Variants in NRXN3 observed in about 807,000 individuals in gnomAD.
The protein encoded by NRXN3 is neurexin III.
A neutral mutation model predicts 137.6 loss-of-function variants in NRXN3; 32 were observed. The observed-to-expected ratio is 0.23, with a 90% CI of 0.18 to 0.31. The LOEUF (loss-of-function observed/expected upper bound fraction) is 0.31. Among genes scored for constraint, NRXN3 ranks in the 10% least tolerant of loss-of-function variants. The pLI, the probability that NRXN3 is intolerant of heterozygous loss-of-function variation, is 1.00. For synonymous variants in NRXN3, 798 were observed against 784.5 expected (o/e 1.02, Z -0.29); for missense variants, 1,574 against 2,062.5 (o/e 0.76, Z 4.59).
intron 4 of NRXN3, among the ~76,000 whole-genome samples, chr14:78,442,226 C>G (rs922140519): frequency 1.3e-5 from 2 of 150,398 alleles, no homozygotes; most frequent in African/African-American, 4.9e-5. Context: ...GAGATCATGC[C>G]ACCGTACTCC....
rs752059168 is a variant in NRXN3, at chr14:79,467,331, A to G, written c.3373A>G (p.Thr1125Ala). The part of the protein sequence containing the change: ...SDRLAVGFST[T>A]VKDGILVRID... ...CCGCCTTGCCGTGGGCTTCAGCACC[A>G]CTGTGAAGGATGGCATCTTGGTCCG... The change falls in exon 16 of 21, where the codon ACT becomes GCT. Residue 1125 changes from threonine (T) to alanine (A), a missense_variant. Transcript: ENST00000335750. The G allele has an allele frequency of 6.2e-7, 1 of 1,613,746 alleles. No homozygotes were observed. Among genetic ancestry groups the G allele is most frequent in the South Asian group, 1.1e-5 (1 of 91,070 alleles).
chr14:79,075,040 T>G (rs999930645), intron 15 of NRXN3, among the ~76,000 whole-genome samples: 5 of 152,174 alleles, frequency 3.3e-5, no homozygotes, highest in African/African-American at 1.2e-4. Context: ...CAAAGCTACT[T>G]TTACTTATTT....
chr14:79,635,449 T>A (rs1365608914), intron 16 of NRXN3, among the ~76,000 whole-genome samples: 1 of 152,124 alleles, frequency 6.6e-6, no homozygotes. Flanking sequence ...AACGTACTAG[T>A]TTTCTAGGGC....
chr14:78,240,350 C>T (rs1158419817), intron 1 of NRXN3, among the ~76,000 whole-genome samples: 1 of 152,300 alleles, frequency 6.6e-6, no homozygotes, highest in Middle Eastern at 3.4e-3. Flanking sequence ...AGTGGCCAAC[C>T]AGGAGATTCA....
At chr14:79,810,789 T>A (rs1005322659) in intron 20 of NRXN3, among the ~76,000 whole-genome samples, 1 of 152,234 alleles carries the variant, frequency 6.6e-6, no homozygotes, top group Non-Finnish European at 1.5e-5. Flanking sequence ...ATTTTACTTT[T>A]TATTTGCTGG....
At chr14:79,071,195 C>T (rs532019370) in intron 15 of NRXN3, among the ~76,000 whole-genome samples, 1 of 146,614 alleles carries the variant, frequency 6.8e-6, no homozygotes. Context: ...CTTGATTGTT[C>T]TAATTTAGCG....
At chr14:78,953,754 A>G (rs888033724) in intron 10 of NRXN3, among the ~76,000 whole-genome samples, 2 of 151,502 alleles carry the variant, frequency 1.3e-5, no homozygotes, top group Non-Finnish European at 1.5e-5. Flanking sequence ...GAATCAAAGG[A>G]TTTTTTTTTG....
At chr14:78,531,241 A>T (rs934995574) in intron 4 of NRXN3, among the ~76,000 whole-genome samples, 1 of 152,088 alleles carries the variant, frequency 6.6e-6, no homozygotes, top group East Asian at 1.9e-4. Flanking sequence ...CTACCCTTTG[A>T]CCTGGGCCTG....
intron 15 of NRXN3, among the ~76,000 whole-genome samples, chr14:79,147,654 C>A (rs1221398331): frequency 6.6e-6 from 1 of 152,098 alleles, no homozygotes; most frequent in Non-Finnish European, 1.5e-5. Flanking sequence ...GAAGCCTTCA[C>A]AAGCAGAGGC....
At chr14:79,186,854 A>T (rs1037806279) in intron 15 of NRXN3, among the ~76,000 whole-genome samples, 1 of 152,222 alleles carries the variant, frequency 6.6e-6, no homozygotes, top group African/African-American at 2.4e-5. Context: ...GCCGTTAACA[A>T]GAAGTTAAAT....
At chr14:79,329,566 T>C (rs964571560) in intron 15 of NRXN3, among the ~76,000 whole-genome samples, 1 of 152,132 alleles carries the variant, frequency 6.6e-6, no homozygotes, top group Admixed American at 6.5e-5. Flanking sequence ...TGTAAACAAA[T>C]GGACGTGACT....
chr14:79,743,807 G>A (rs2098970610), intron 19 of NRXN3, among the ~76,000 whole-genome samples: 1 of 152,128 alleles, frequency 6.6e-6, no homozygotes, highest in Admixed American at 6.6e-5. Context: ...ACTGACTGAG[G>A]AAGCAAGGTA....
At chr14:78,885,430 G>A (rs573165139) in intron 10 of NRXN3, among the ~76,000 whole-genome samples, 1 of 151,874 alleles carries the variant, frequency 6.6e-6, no homozygotes. Context: ...TAAATTAAAG[G>A]TGTTTTGAAG....
rs920583079 is a variant in NRXN3 at position 79,864,410 on chromosome 14, C to T, written c.*2446C>T. On this transcript the variant is annotated 3_prime_UTR_variant, in exon 21 of 21. Coordinates refer to ENST00000335750, the MANE Select transcript of NRXN3 (RefSeq NM_001330195.2). ...AGGATATGCTTAGCAATAAAATGTT[C>T]TTCCCAAAACCTTGTATGCTGATGC... 6.6e-6 allele frequency: 1 copy of T among 152,536 alleles called. No homozygotes were observed. The highest frequency in any genetic ancestry group is 1.5e-5 in the Non-Finnish European group (1 of 68,020). The allele number at this position is 152,536 out of a possible 1,614,324, so 9.4% of individuals were successfully genotyped here. A position where few individuals can be genotyped will look rare whatever the true frequency, so the allele number is the denominator to read the frequency against.
In NRXN3 at chr14:79,663,894, C is replaced by T. The variant is rs371425202; in HGVS notation, c.3561C>T (p.Gly1187=). The T allele has an allele frequency of 5.7e-5, 92 of 1,613,438 alleles. No homozygotes were observed. The highest frequency in any genetic ancestry group is 6.8e-5 in the Non-Finnish European group (80 of 1,179,668). The change falls in exon 17 of 21, where the codon GGC becomes GGT. Residue 1187 remains glycine, a synonymous_variant. Transcript: ENST00000335750. ...KYHVVRFTRN[G]GNATLQVDNW... ...ATGTGGTACGCTTCACCAGGAACGG[C>T]GGCAACGCCACCCTGCAGGTGGACA...
intron 2 of NRXN3, among the ~76,000 whole-genome samples, chr14:78,253,195 C>T (rs1220530342): frequency 2.6e-5 from 4 of 152,190 alleles, no homozygotes; most frequent in South Asian, 2.1e-4. Flanking sequence ...CTTTGACTCA[C>T]GGCTTAGTTT....
intron 4 of NRXN3, among the ~76,000 whole-genome samples, chr14:78,436,667 T>G (rs1330995664): frequency 1.3e-5 from 2 of 152,230 alleles, no homozygotes; most frequent in Admixed American, 1.3e-4. Context: ...AATTTTGATT[T>G]ATTATATTTA....
At chr14:78,595,651 C>G (rs2097152370) in intron 4 of NRXN3, among the ~76,000 whole-genome samples, 1 of 152,098 alleles carries the variant, frequency 6.6e-6, no homozygotes, top group Non-Finnish European at 1.5e-5. Context: ...TGTTTGATCC[C>G]TATAAAAATC....
intron 16 of NRXN3, among the ~76,000 whole-genome samples, chr14:79,523,361 G>C (rs2097087838): frequency 6.6e-6 from 1 of 152,136 alleles, no homozygotes. Flanking sequence ...GTCTCAGCTT[G>C]ATTTTGCCAT....
Sources: allele counts gnomAD v4.1 joint callset (sites outside exome capture counted in the v4.1 genomes callset), GRCh38; gene constraint gnomAD v4.1.1; transcripts MANE v1.5; gene names NCBI Gene and HGNC (gene_info 2026-07-23, HGNC 2026-07-21).